Variants in EPB41L4A observed in about 807,000 individuals in gnomAD.
EPB41L4A encodes the protein erythrocyte membrane protein band 4.1 like 4A.
EPB41L4A carries 100 observed loss-of-function variants against 108.6 expected under a neutral mutation model. That is an observed-to-expected ratio of 0.92 (90% CI 0.78 to 1.09). The LOEUF (loss-of-function observed/expected upper bound fraction) is 1.09, where lower values mean the gene tolerates loss of function less well. EPB41L4A is among the 50% of genes least tolerant of loss of function. The probability of loss-of-function intolerance (pLI) is 0.00; values close to 1 mark genes in which losing one functional copy is unlikely to be tolerated. For missense variants in EPB41L4A, 1,030 were observed against 842.7 expected, an observed-to-expected ratio of 1.22 and a Z score of -2.75; for synonymous variants, 319 against 289.0, an observed-to-expected ratio of 1.10 and a Z score of -1.05.
chr5:112,274,220 C>T (rs907985332), intron 4 of EPB41L4A, among the ~76,000 whole-genome samples: 1 of 152,108 alleles, frequency 6.6e-6, no homozygotes, highest in African/African-American at 2.4e-5. Context: ...TTTGAGGTCA[C>T]AGTGAGCTAT....
In EPB41L4A at chr5:112,419,087, G is replaced by A; in HGVS notation, c.-48C>T. On this transcript the variant is annotated 5_prime_UTR_variant, in exon 1 of 23. Coordinates refer to ENST00000261486, the MANE Select transcript of EPB41L4A (RefSeq NM_022140.5). ...CAGGAGAGAAAGCTACCACCGAGGC[G>A]CCCAGCCGCCCCCTCCACTCAAGCG... 5 of 1,408,516 alleles carry A rather than the reference G, an allele frequency of 3.5e-6. No homozygotes were observed. Among genetic ancestry groups the A allele is most frequent in the Non-Finnish European group, 5.0e-6 (5 of 995,778 alleles). 87.3% of individuals were successfully genotyped at this position (1,408,516 alleles called of 1,614,324 possible). A position where few individuals can be genotyped will look rare whatever the true frequency, so the allele number is the denominator to read the frequency against.
chr5:112,209,352 G>A (rs2150309744), intron 13 of EPB41L4A, among the ~76,000 whole-genome samples: 1 of 152,240 alleles, frequency 6.6e-6, no homozygotes, highest in East Asian at 1.9e-4. Context: ...AACAATCCAT[G>A]TAATATATTA....
At chr5:112,418,446 C>G (rs1486692693) in intron 1 of EPB41L4A, among the ~76,000 whole-genome samples, 1 of 152,158 alleles carries the variant, frequency 6.6e-6, no homozygotes, top group African/African-American at 2.4e-5. Flanking sequence ...TCCGTCCAAA[C>G]GTAGCATTAC....
intron 1 of EPB41L4A, among the ~76,000 whole-genome samples, chr5:112,320,638 G>A (rs1055181434): frequency 6.6e-6 from 1 of 152,104 alleles, no homozygotes; most frequent in Non-Finnish European, 1.5e-5. Context: ...AGGTTGAAGG[G>A]GAGTATGGAC....
Position 112,168,749 on chromosome 5 carries a change from G to A in EPB41L4A, c.1922C>T (p.Thr641Ile). The A allele has an allele frequency of 6.2e-7, 1 of 1,613,284 alleles. No homozygotes were observed. The highest frequency in any genetic ancestry group is 8.5e-7 in the Non-Finnish European group (1 of 1,179,232). ...SSDAQGSGDATVHQRRNGSKD... is the reference protein window; with the variant it reads ...SSDAQGSGDAIVHQRRNGSKD... The stretch of plus-strand genomic sequence containing the variant: ...CTTACTATTACTAACCTGATGAACT[G>A]TAGCATCCCCAGAACCCTGAGCATC... Residue 641 changes from threonine to isoleucine, a missense_variant, in exon 22 of 23, where the codon ACA (threonine) becomes ATA (isoleucine). Physicochemically the swap from Thr to Ile is moderately conservative, Grantham distance 89 (BLOSUM62 -1). Coordinates refer to ENST00000261486, the MANE Select transcript of EPB41L4A (RefSeq NM_022140.5).
rs149007067 is a variant in EPB41L4A at position 112,311,068 on chromosome 5, G to A, written c.100-3578C>T. Among the ~76,000 whole-genome samples the A allele has an allele frequency of 8.1e-3, 1,238 of 152,246 alleles. 17 individuals carry two copies. The highest frequency in any genetic ancestry group is 0.028 in the African/African-American group (1,171 of 41,550). ...ACTCTGTTACCCAGGCTGGAATGCAGTGGTGTGATCTTGGCTCACTGCAAC... is the reference window on the plus strand; with the variant it reads ...ACTCTGTTACCCAGGCTGGAATGCAATGGTGTGATCTTGGCTCACTGCAAC... On this transcript the variant is annotated intron_variant, in intron 1 of 22. Coordinates refer to ENST00000261486, the MANE Select transcript of EPB41L4A (RefSeq NM_022140.5).
At chr5:112,359,174 T>C (rs1758552906) in intron 1 of EPB41L4A, among the ~76,000 whole-genome samples, 1 of 152,244 alleles carries the variant, frequency 6.6e-6, no homozygotes, top group Admixed American at 6.5e-5. Context: ...GTATACTTTA[T>C]ATTCTACTTC....
At chr5:112,257,991 A>G (rs1751228993) in intron 9 of EPB41L4A, among the ~76,000 whole-genome samples, 1 of 152,232 alleles carries the variant, frequency 6.6e-6, no homozygotes, top group Admixed American at 6.5e-5. Flanking sequence ...TGAAGAACAC[A>G]TTGGATTTCC....
At chr5:112,268,842 CAAAAAAAAAAAAA>C (rs34983995) in intron 4 of EPB41L4A, among the ~76,000 whole-genome samples, 2 of 55,894 alleles carry the variant, frequency 3.6e-5, no homozygotes, top group Admixed American at 2.7e-4. Context: ...GACCTTCTCT[CAAAAAAAAAAAAA>C]AAAAAAAAAA....
chr5:112,365,220 C>T (rs1489776545), intron 1 of EPB41L4A, among the ~76,000 whole-genome samples: 2 of 152,092 alleles, frequency 1.3e-5, no homozygotes, highest in Non-Finnish European at 1.5e-5. Context: ...GAGAGGGTCT[C>T]GCTACATGGC....
chr5:112,162,014 C>CT (rs1759938680), downstream of EPB41L4A: 1 of 152,316 alleles, frequency 6.6e-6, no homozygotes, highest in African/African-American at 2.4e-5. Context: ...TTCTGCATCT[C>CT]TTTAAGATTT....
chr5:112,165,162 G>C (rs756499229), intron 22 of EPB41L4A, 44 bp from the exon 23 acceptor site: 5 of 1,457,966 alleles, frequency 3.4e-6, no homozygotes, highest in Non-Finnish European at 4.7e-6. Context: ...GAAGAAAACA[G>C]CCAAATGAAG....
At chr5:112,201,276 T>A (rs571783242) in intron 15 of EPB41L4A, among the ~76,000 whole-genome samples, 2 of 152,142 alleles carry the variant, frequency 1.3e-5, no homozygotes, top group Non-Finnish European at 2.9e-5. Context: ...GGCAAAAAGA[T>A]CCTCTTCCCA....
intron 2 of EPB41L4A, among the ~76,000 whole-genome samples, chr5:112,298,667 G>T (rs1230210113): frequency 2.0e-5 from 3 of 151,870 alleles, no homozygotes; most frequent in African/African-American, 4.8e-5. Flanking sequence ...TGACTTCACA[G>T]AATGATTTAG....
At chr5:112,275,467 A>T (rs1330563324) in intron 3 of EPB41L4A, 63 bp from the exon 4 acceptor site, 2 of 1,305,664 alleles carry the variant, frequency 1.5e-6, no homozygotes, top group African/African-American at 1.6e-5. Flanking sequence ...TTACAGTATA[A>T]TATTATACAG....
chr5:112,231,293 C>T (rs1489208628), intron 12 of EPB41L4A, among the ~76,000 whole-genome samples: 1 of 152,092 alleles, frequency 6.6e-6, no homozygotes, highest in Middle Eastern at 3.2e-3. Flanking sequence ...GTTGAAAACC[C>T]ATGATTGTAC....
Position 112,419,190 on chromosome 5 carries a change from G to A in EPB41L4A, c.-151C>T, listed in dbSNP as rs919925540. On this transcript the variant is annotated 5_prime_UTR_variant, in exon 1 of 23. Coordinates refer to ENST00000261486, the MANE Select transcript of EPB41L4A (RefSeq NM_022140.5). ...CGGCGGGGTCCGGGGACCGGCCGCC[G>A]AACCGCCCGGCGGGGCGGGAGCGAG... 84 of 546,892 alleles carry A rather than the reference G, an allele frequency of 1.5e-4. 2 individuals carry two copies. In the South Asian group the frequency reaches 1.9e-3, roughly 12 times the overall value. The allele number at this position is 546,892 out of a possible 1,614,324, so 33.9% of individuals were successfully genotyped here.
intron 1 of EPB41L4A, among the ~76,000 whole-genome samples, chr5:112,335,327 A>C (rs965240193): frequency 1.3e-4 from 20 of 152,242 alleles, no homozygotes; most frequent in African/African-American, 3.9e-4. Flanking sequence ...TAAGCCTTAT[A>C]AGAGGAAGAT....
intron 1 of EPB41L4A, among the ~76,000 whole-genome samples, chr5:112,322,849 C>T (rs1265230014): frequency 1.3e-5 from 2 of 151,846 alleles, no homozygotes; most frequent in Non-Finnish European, 2.9e-5. Context: ...AAAATAACAA[C>T]CCATGTAAGG....
Sources: gnomAD v4.1 joint callset for allele counts (sites outside exome capture counted in the v4.1 genomes callset) on GRCh38, gnomAD v4.1.1 for gene constraint, MANE v1.5 for transcripts, NCBI Gene and HGNC (gene_info 2026-07-23, HGNC 2026-07-21) for gene names.